RIN2: variants seen among roughly 807,000 people sequenced by gnomAD.
The protein encoded by RIN2 is Ras and Rab interactor 2.
Under a neutral mutation model 78.0 loss-of-function variants are expected in RIN2, and 36 were observed. That is an observed-to-expected ratio of 0.46 (90% CI 0.35 to 0.61). The LOEUF (loss-of-function observed/expected upper bound fraction) is 0.61. Among genes scored for constraint, RIN2 ranks in the 20% least tolerant of loss-of-function variants. The pLI, the probability that RIN2 is intolerant of heterozygous loss-of-function variation, is 0.00. For synonymous variants in RIN2, 466 were observed against 466.8 expected (o/e 1.00, Z 0.02); for missense variants, 1,087 against 1,159.7 (o/e 0.94, Z 0.91).
chr20:19,819,549 A>G (rs1027173265), intron 2 of RIN2, among the ~76,000 whole-genome samples: 8 of 152,206 alleles, frequency 5.3e-5, no homozygotes, highest in African/African-American at 1.9e-4. Context: ...AACAATTGAA[A>G]TCGTATATGT....
At position 19,975,393 on chromosome 20, in the gene RIN2, C is replaced by T. The variant is rs376405754; in HGVS notation, c.1368C>T (p.Asp456=). The T allele has an allele frequency of 2.5e-6, 4 of 1,613,938 alleles. No individual in the cohort carries two copies. In the African/African-American group the frequency reaches 4.0e-5, roughly 16 times the overall value. ...RSMPLFGYEA[D]TNSSLEDYEG... is the part of the protein sequence containing the mutation. ...TGCCTCTGTTTGGCTACGAGGCGGA[C>T]ACCAACAGCAGCCTGGAGGACTACG... is the stretch of plus-strand genomic sequence containing the variant. The change falls in exon 9 of 13, where the codon GAC becomes GAT. Residue 456 remains aspartate, a synonymous_variant. Transcript: ENST00000255006. The surrounding 1 kb of genome is among the most constrained non-coding windows in gnomAD (Gnocchi z 4.9).
Position 19,990,190 on chromosome 20 carries a change from G to T in RIN2, c.1947G>T (p.Val649=). ...LGVFAPTPDF[V]DVEKIKVKFM... ...TCTTCGCCCCGACCCCTGATTTTGT[G>T]GATGTGGAGAAAATCAAAGTCAAGT... is the stretch of plus-strand genomic sequence containing the variant. The change falls in exon 10 of 13, where the codon GTG becomes GTT. Residue 649 remains valine, a synonymous_variant. Coordinates refer to ENST00000255006, the MANE Select transcript of RIN2 (RefSeq NM_018993.4). 6.2e-7 allele frequency: 1 copy of T among 1,609,346 alleles called. No homozygotes were observed. The highest frequency in any genetic ancestry group is 8.5e-7 in the Non-Finnish European group (1 of 1,177,974).
At chr20:19,941,785 C>G (rs1327026531) in intron 4 of RIN2, among the ~76,000 whole-genome samples, 1 of 152,142 alleles carries the variant, frequency 6.6e-6, no homozygotes, top group Admixed American at 6.6e-5. Flanking sequence ...CTTCGCTACA[C>G]TATCACCAAT....
At chr20:19,928,551 G>A (rs970825606) in intron 3 of RIN2, among the ~76,000 whole-genome samples, 3 of 152,168 alleles carry the variant, frequency 2.0e-5, no homozygotes, top group African/African-American at 7.2e-5. Context: ...GTAGACTCCT[G>A]CACCAGACTG....
intron 2 of RIN2, among the ~76,000 whole-genome samples, chr20:19,829,585 G>A (rs764082392): frequency 6.6e-6 from 1 of 152,198 alleles, no homozygotes; most frequent in Non-Finnish European, 1.5e-5. Flanking sequence ...TATAGGAAAT[G>A]TATTGGTCAG....
intron 2 of RIN2, among the ~76,000 whole-genome samples, chr20:19,835,547 G>A (rs1243163149): frequency 1.3e-5 from 2 of 152,094 alleles, no homozygotes; most frequent in Non-Finnish European, 2.9e-5. Context: ...TTTACATGAG[G>A]CAATTAAAAG....
chr20:19,884,552 C>A lies in RIN2; in HGVS notation c.-36-5014C>A, dbSNP rs143291025. 8.5e-3 allele frequency among the ~76,000 whole-genome samples: 1,294 copies of A among 152,226 alleles called. 19 individuals carry two copies. The highest frequency in any genetic ancestry group is 0.026 in the African/African-American group (1,081 of 41,512). On this transcript the variant is annotated intron_variant, in intron 2 of 12. Transcript: ENST00000255006. ...TCTTTTCAATGGAAAGTTTTCATGA[C>A]CTTCAAACTTAAAATTTTTTTTTAA...
intron 2 of RIN2, chr20:19,872,015 T>C (rs2037705147): frequency 6.6e-6 from 1 of 152,124 alleles, no homozygotes; most frequent in African/African-American, 2.4e-5. Flanking sequence ...TCATCTTGAA[T>C]TGTAATCCCC....
At chr20:19,847,555 G>A (rs1290844302) in intron 2 of RIN2, among the ~76,000 whole-genome samples, 2 of 152,198 alleles carry the variant, frequency 1.3e-5, no homozygotes, top group Non-Finnish European at 2.9e-5. Flanking sequence ...GTGGCACCCA[G>A]CACAGTAGTC....
At chr20:19,796,311 C>G (rs1600476597) in intron 1 of RIN2, among the ~76,000 whole-genome samples, 2 of 152,180 alleles carry the variant, frequency 1.3e-5, no homozygotes, top group East Asian at 3.9e-4. Flanking sequence ...GTTTTTATAT[C>G]AAGGATAACA....
At position 19,975,219 on chromosome 20, in the gene RIN2, G is replaced by A. The variant is rs2042237898; in HGVS notation, c.1194G>A (p.Gly398=). ...TGGGCACAGCTGGCAGCCCAGGTGG[G>A]GCCCCGCCTGAGGCCGCCCCGGGGG... is the stretch of plus-strand genomic sequence containing the variant. The part of the protein sequence containing the change: ...LELGTAGSPG[G]APPEAAPGDC... Residue 398 remains glycine (G), a synonymous_variant, in exon 9 of 13, where the codon GGG becomes GGA. Transcript: ENST00000255006. This position sits in a 1 kb window ranked among gnomAD's most constrained non-coding sequence, Gnocchi z 4.9. 3.1e-6 allele frequency: 5 copies of A among 1,589,552 alleles called. No individual in the cohort carries two copies. In the South Asian group the frequency reaches 3.4e-5, roughly 11 times the overall value.
chr20:19,798,004 A>G (rs2035115263), intron 1 of RIN2, among the ~76,000 whole-genome samples: 1 of 151,488 alleles, frequency 6.6e-6, no homozygotes, highest in African/African-American at 2.4e-5. Context: ...GGCACCTGCC[A>G]CCACGCCCGG....
chr20:19,835,035 AAGAG>A (rs974157124), intron 2 of RIN2, among the ~76,000 whole-genome samples: 1 of 151,872 alleles, frequency 6.6e-6, no homozygotes, highest in Non-Finnish European at 1.5e-5. Flanking sequence ...AAAAAAGAGA[AAGAG>A]AAAGAAAAAG....
At chr20:19,948,343 C>T (rs11697699) in intron 4 of RIN2, among the ~76,000 whole-genome samples, 15,981 of 152,114 alleles carry the variant, frequency 0.11, 900 homozygotes, top group African/African-American at 0.14. Context: ...CCAATCCCAT[C>T]CTAGCTGAAT....
chr20:19,801,535 A>G (rs1404350963), intron 2 of RIN2, among the ~76,000 whole-genome samples: 1 of 152,076 alleles, frequency 6.6e-6, no homozygotes, highest in Non-Finnish European at 1.5e-5. Flanking sequence ...GTTAGCCAGC[A>G]TGGTCTCAAT....
intron 2 of RIN2, among the ~76,000 whole-genome samples, chr20:19,850,990 A>AAAGG (rs199637524): frequency 0.014 from 1,400 of 99,264 alleles, 14 homozygotes; most frequent in African/African-American, 0.025. Context: ...GAAAGGGAGA[A>AAAGG]AAGGAAGGAA....
At chr20:19,938,633 G>C (rs2040743734) in intron 4 of RIN2, among the ~76,000 whole-genome samples, 2 of 152,086 alleles carry the variant, frequency 1.3e-5, no homozygotes, top group Admixed American at 1.3e-4. Flanking sequence ...ATTAAAATGG[G>C]AATAATAACA....
chr20:19,852,413 A>G (rs536694561), intron 2 of RIN2, among the ~76,000 whole-genome samples: 3 of 152,330 alleles, frequency 2.0e-5, no homozygotes, highest in Admixed American at 6.5e-5. Flanking sequence ...CAGACTAGAA[A>G]GCTCCTGTCA....
intron 1 of RIN2, among the ~76,000 whole-genome samples, chr20:19,768,159 G>T (rs932688628): frequency 6.6e-6 from 1 of 152,172 alleles, no homozygotes; most frequent in Non-Finnish European, 1.5e-5. Flanking sequence ...CCTATGTTTT[G>T]ATCTAAATAG....
Sources: allele counts gnomAD v4.1 joint callset (sites outside exome capture counted in the v4.1 genomes callset), GRCh38; gene constraint gnomAD v4.1.1; non-coding constraint Gnocchi (gnomAD v3.1); transcripts MANE v1.5; gene names NCBI Gene and HGNC (gene_info 2026-07-23, HGNC 2026-07-21).